Variants in MARCHF4 observed in about 807,000 individuals in gnomAD.
MARCHF4 encodes membrane associated ring-CH-type finger 4.
Under a neutral mutation model 43.9 loss-of-function variants are expected in MARCHF4, and 14 were observed. The ratio of observed to expected loss-of-function variants is 0.32; its 90% confidence interval spans 0.21 to 0.50. The LOEUF (loss-of-function observed/expected upper bound fraction) is 0.50, where lower values mean the gene tolerates loss of function less well. Among genes scored for constraint, MARCHF4 ranks in the 20% least tolerant of loss-of-function variants. The probability of loss-of-function intolerance (pLI) is 0.98; values close to 1 mark genes in which losing one functional copy is unlikely to be tolerated. For synonymous variants in MARCHF4, 226 were observed against 213.3 expected (o/e 1.06, Z -0.52); for missense variants, 468 against 536.7 (o/e 0.87, Z 1.27).
chr2:216,278,998 C>T (rs1297166773), intron 2 of MARCHF4, among the ~76,000 whole-genome samples: 1 of 152,148 alleles, frequency 6.6e-6, no homozygotes, highest in East Asian at 1.9e-4. Flanking sequence ...GGCAATGAAG[C>T]CCTAGGCGAA....
rs142216823 is a variant in MARCHF4 at position 216,334,413 on chromosome 2, CT to C, written c.516+35331del. Reference sequence around the variant, plus strand: ...AGAAAGTAAGGTGATATGCTAACATCTTTTTTTTTTGGGGTCTTGCTCTGTT... The same window carrying C: ...AGAAAGTAAGGTGATATGCTAACATCTTTTTTTTTGGGGTCTTGCTCTGTT... On this transcript the variant is annotated intron_variant, in intron 1 of 3. Transcript: ENST00000273067. Among the ~76,000 whole-genome samples the C allele has an allele frequency of 3.3e-3, 498 of 149,190 alleles. 2 individuals carry two copies. The highest frequency in any genetic ancestry group is 0.012 in the African/African-American group (471 of 40,834).
At chr2:216,320,988 C>T (rs1375836338) in intron 1 of MARCHF4, among the ~76,000 whole-genome samples, 1 of 151,556 alleles carries the variant, frequency 6.6e-6, no homozygotes, top group East Asian at 1.9e-4. Flanking sequence ...GCCTCTTTTT[C>T]TTTAAGTAAG....
At chr2:216,344,346 TGG>T (rs1692281055) in intron 1 of MARCHF4, among the ~76,000 whole-genome samples, 1 of 152,104 alleles carries the variant, frequency 6.6e-6, no homozygotes. Flanking sequence ...AATTTCATGG[TGG>T]GGGCGTGGGT....
At chr2:216,312,957 A>G (rs907620864) in intron 1 of MARCHF4, among the ~76,000 whole-genome samples, 1 of 152,130 alleles carries the variant, frequency 6.6e-6, no homozygotes, top group African/African-American at 2.4e-5. Flanking sequence ...TTCTCTGCCT[A>G]GACCAATGTC....
At chr2:216,325,502 T>C (rs988449397) in intron 1 of MARCHF4, among the ~76,000 whole-genome samples, 21 of 152,028 alleles carry the variant, frequency 1.4e-4, no homozygotes, top group Non-Finnish European at 2.6e-4. Flanking sequence ...GAGCCCGCAT[T>C]GCCAAGTCAA....
intron 1 of MARCHF4, among the ~76,000 whole-genome samples, chr2:216,345,594 T>C (rs190618742): frequency 1.3e-5 from 2 of 152,298 alleles, no homozygotes; most frequent in Non-Finnish European, 2.9e-5. Context: ...CCCCTAGGGA[T>C]TGACTTAATT....
intron 1 of MARCHF4, among the ~76,000 whole-genome samples, chr2:216,344,944 T>C (rs1043175024): frequency 1.3e-5 from 2 of 151,232 alleles, no homozygotes; most frequent in Non-Finnish European, 2.9e-5. Context: ...TAGGTAAAAA[T>C]AGATATTTAC....
At chr2:216,366,030 C>A (rs938622163) in intron 1 of MARCHF4, among the ~76,000 whole-genome samples, 3 of 152,196 alleles carry the variant, frequency 2.0e-5, no homozygotes, top group African/African-American at 7.2e-5. Flanking sequence ...TTCCTGACAG[C>A]CTCTGGGCTG....
chr2:216,335,097 C>T (rs192813562), intron 1 of MARCHF4, among the ~76,000 whole-genome samples: 2 of 152,242 alleles, frequency 1.3e-5, no homozygotes, highest in Non-Finnish European at 2.9e-5. Flanking sequence ...ACAATCAAGA[C>T]AAAACTGGTC....
intron 1 of MARCHF4, among the ~76,000 whole-genome samples, chr2:216,346,846 C>A (rs1361392158): frequency 6.6e-6 from 1 of 152,154 alleles, no homozygotes; most frequent in Non-Finnish European, 1.5e-5. Context: ...TGTCCCCATT[C>A]AAATCTCATG....
intron 1 of MARCHF4, among the ~76,000 whole-genome samples, chr2:216,302,045 C>T (rs867351240): frequency 2.0e-5 from 3 of 152,208 alleles, no homozygotes; most frequent in Admixed American, 6.5e-5. Context: ...AACAAAAAAA[C>T]GCAAGCAAAA....
chr2:216,350,008 C>G (rs148858601), intron 1 of MARCHF4, among the ~76,000 whole-genome samples: 2 of 152,256 alleles, frequency 1.3e-5, no homozygotes, highest in East Asian at 3.9e-4. Flanking sequence ...GCCCTCCTGT[C>G]TTCTGACACT....
In MARCHF4 at chr2:216,283,569, T is replaced by G; in HGVS notation, c.672+5A>C. The G allele has an allele frequency of 6.3e-7, 1 of 1,595,424 alleles. No homozygotes were observed. The highest frequency in any genetic ancestry group is 8.6e-7 in the Non-Finnish European group (1 of 1,165,172). ...GCAACCCCACCAGGCAGCCCTGGGT[T>G]GTACCTGCAGAGGATTTTTTGTGCT... On this transcript the variant is annotated splice_donor_5th_base_variant and intron_variant, in intron 2 of 3. Coordinates refer to ENST00000273067, the MANE Select transcript of MARCHF4 (RefSeq NM_020814.3).
chr2:216,358,153 A>G (rs1377851401), intron 1 of MARCHF4, among the ~76,000 whole-genome samples: 2 of 152,212 alleles, frequency 1.3e-5, no homozygotes, highest in African/African-American at 4.8e-5. Context: ...GACAGGTACT[A>G]TTATTATCAT....
chr2:216,314,221 G>C (rs1000715351), intron 1 of MARCHF4, among the ~76,000 whole-genome samples: 1 of 152,132 alleles, frequency 6.6e-6, no homozygotes, highest in African/African-American at 2.4e-5. Flanking sequence ...CCAGTTGCTA[G>C]GTTAGGTTCT....
chr2:216,268,968 G>C (rs1690891983), intron 3 of MARCHF4, among the ~76,000 whole-genome samples: 1 of 152,066 alleles, frequency 6.6e-6, no homozygotes, highest in African/African-American at 2.4e-5. Context: ...CATCTCAGAG[G>C]ACAGGGGCCA....
At chr2:216,261,725 T>C (rs925048330) in intron 3 of MARCHF4, among the ~76,000 whole-genome samples, 2 of 152,092 alleles carry the variant, frequency 1.3e-5, no homozygotes, top group African/African-American at 4.8e-5. Flanking sequence ...AAGCCATCAT[T>C]GTAGAGGTAG....
intron 3 of MARCHF4, among the ~76,000 whole-genome samples, chr2:216,261,393 C>G (rs951598898): frequency 5.9e-5 from 9 of 152,202 alleles, no homozygotes; most frequent in Non-Finnish European, 2.9e-5. Flanking sequence ...CTTCTGTCAT[C>G]AGATCTCCCT....
intron 1 of MARCHF4, among the ~76,000 whole-genome samples, chr2:216,353,750 G>A (rs1039473964): frequency 6.6e-6 from 1 of 152,186 alleles, no homozygotes; most frequent in Non-Finnish European, 1.5e-5. Flanking sequence ...GTTTTGCCAT[G>A]TTGGCCAGAC....
Sources: allele counts gnomAD v4.1 joint callset (sites outside exome capture counted in the v4.1 genomes callset), GRCh38; gene constraint gnomAD v4.1.1; transcripts MANE v1.5; gene names NCBI Gene and HGNC (gene_info 2026-07-23, HGNC 2026-07-21).